GSE1: variants seen among roughly 807,000 people sequenced by gnomAD.
GSE1 encodes Gse1 coiled-coil protein.
Under a neutral mutation model 112.6 loss-of-function variants are expected in GSE1, and 32 were observed. That is an observed-to-expected ratio of 0.28 (90% CI 0.21 to 0.38). The LOEUF (loss-of-function observed/expected upper bound fraction) is 0.38. Among genes scored for constraint, GSE1 ranks in the 10% least tolerant of loss-of-function variants. The pLI is 1.00. For synonymous variants in GSE1, 1,115 were observed against 735.6 expected, an observed-to-expected ratio of 1.52 and a Z score of -8.35; for missense variants, 2,348 against 1,699.2, an observed-to-expected ratio of 1.38 and a Z score of -6.71.
intron 2 of GSE1, 76 bp downstream of exon 2, chr16:85,634,208 G>A (rs760507308): frequency 5.3e-5 from 54 of 1,023,736 alleles, no homozygotes; most frequent in Admixed American, 7.6e-5. Context: ...CGCCTGCGGC[G>A]TGCACGCTCA....
At chr16:85,327,318 T>C (rs1374576658) in intron 1 of GSE1, among the ~76,000 whole-genome samples, 1 of 152,160 alleles carries the variant, frequency 6.6e-6, no homozygotes, top group Non-Finnish European at 1.5e-5. Flanking sequence ...TGGAAGGTTC[T>C]AAGGCCGGAT....
intron 2 of GSE1, among the ~76,000 whole-genome samples, chr16:85,423,110 C>T (rs555921428): frequency 1.3e-5 from 2 of 152,340 alleles, no homozygotes; most frequent in South Asian, 4.1e-4. Flanking sequence ...AGTCAGCTCC[C>T]CAGGAACCAG....
Position 85,661,466 on chromosome 16 carries a change from C to G in GSE1, c.1961C>G (p.Pro654Arg). ...APLDKYQPPP[P>R]PPREGGSLEH... Reference sequence around the variant, plus strand: ...CTGGACAAGTACCAGCCACCTCCGCCGCCACCACGAGAGGGAGGGAGCCTG... The same window carrying G: ...CTGGACAAGTACCAGCCACCTCCGCGGCCACCACGAGAGGGAGGGAGCCTG... The change falls in exon 9 of 16, where the codon CCG (proline) becomes CGG (arginine). Residue 654 changes from proline to arginine, a missense_variant. By Grantham distance (103) the Pro-to-Arg change is moderately radical. Transcript: ENST00000253458. 1 of 1,611,638 alleles carries G rather than the reference C, an allele frequency of 6.2e-7. No homozygotes were observed. Among genetic ancestry groups the G allele is most frequent in the African/African-American group, 1.3e-5 (1 of 75,048 alleles).
chr16:85,410,187 T>C (rs866945511), intron 2 of GSE1, among the ~76,000 whole-genome samples: 191 of 32,670 alleles, frequency 5.8e-3, no homozygotes, highest in Middle Eastern at 0.023. Flanking sequence ...TAATCCTCAC[T>C]GTTACACTCA....
At chr16:85,196,175 G>T (rs140667323) in intron 1 of GSE1, among the ~76,000 whole-genome samples, 157 of 152,336 alleles carry the variant, frequency 1.0e-3, no homozygotes, top group African/African-American at 3.6e-3. Context: ...TTTGGACTTG[G>T]GGGTTGTGGG....
At chr16:85,271,154 T>G (rs1015039068) in intron 1 of GSE1, among the ~76,000 whole-genome samples, 1 of 151,920 alleles carries the variant, frequency 6.6e-6, no homozygotes, top group Admixed American at 6.6e-5. Context: ...TCTGTGGGAA[T>G]TGGTGTATAA....
chr16:85,442,135 A>G (rs898912417), intron 2 of GSE1, among the ~76,000 whole-genome samples: 12 of 152,168 alleles, frequency 7.9e-5, no homozygotes, highest in Admixed American at 2.0e-4. Flanking sequence ...CCTTCTGCCA[A>G]ATATTCCCAG....
rs200489610 is a variant in GSE1 at position 85,252,049 on chromosome 16, G to C, written c.2283+80242G>C. ...GATCGGCACACGCTAATAGATGGCA[G>C]AGAGAGCAGTTGAACCCCAGAGTCT... On this transcript the variant is annotated intron_variant, in intron 1 of 2. Transcript: ENST00000637419. 1.4e-4 allele frequency among the ~76,000 whole-genome samples: 22 copies of C among 152,348 alleles called. No homozygotes were observed. The East Asian group carries it at 4.0e-3, about 28-fold the overall frequency.
intron 2 of GSE1, among the ~76,000 whole-genome samples, chr16:85,456,579 CGTGTGTGTGTGT>C (rs35279881): frequency 0.063 from 5,739 of 91,500 alleles, 195 homozygotes; most frequent in East Asian, 0.1. Flanking sequence ...ATTTTCCTGC[CGTGTGTGTGTGT>C]GTGTGTGTGT....
chr16:85,369,935 A>C (rs1379277608), intron 2 of GSE1, among the ~76,000 whole-genome samples: 1 of 152,172 alleles, frequency 6.6e-6, no homozygotes, highest in Non-Finnish European at 1.5e-5. Flanking sequence ...CCAAGGGTGC[A>C]TTCTGCGTCA....
At chr16:85,537,333 G>GAGGGCGGGACAGTGGAGAC (rs1280978469) in intron 2 of GSE1, among the ~76,000 whole-genome samples, 1 of 152,226 alleles carries the variant, frequency 6.6e-6, no homozygotes, top group Non-Finnish European at 1.5e-5. Context: ...GGAGTGGAGA[G>GAGGGCGGGACAGTGGAGAC]AGGGCGGGAC....
intron 1 of GSE1, among the ~76,000 whole-genome samples, chr16:85,349,424 T>C (rs1339623604): frequency 1.3e-5 from 2 of 152,070 alleles, no homozygotes; most frequent in Non-Finnish European, 2.9e-5. Flanking sequence ...CCACAGCGGG[T>C]CAGGACAGCG....
chr16:85,664,272 G>C (rs913715100), intron 11 of GSE1, among the ~76,000 whole-genome samples: 3 of 152,264 alleles, frequency 2.0e-5, no homozygotes, highest in Non-Finnish European at 4.4e-5. Context: ...ACGCTTTCAA[G>C]TCCTCGTGGG....
In GSE1 at chr16:85,556,391, C is replaced by T. The variant is rs988019018; in HGVS notation, c.37+28C>T. On this transcript the variant is annotated intron_variant, in intron 1 of 2. Coordinates refer to the GSE1 transcript ENST00000635906. ...AAGCGAGCCGTGCGCCTCCCTGGGT[C>T]CCGCGCGGCGCCGGCGCGCCCGGGA... 1.6e-5 allele frequency: 16 copies of T among 979,106 alleles called. No homozygotes were observed. The South Asian group carries it at 5.7e-4, about 35-fold the overall frequency. 60.7% of individuals were successfully genotyped at this position (979,106 alleles called of 1,614,324 possible).
In GSE1 at chr16:85,666,034, C is replaced by T. The variant is rs759415800; in HGVS notation, c.2817C>T (p.Ser939=). 33 of 1,613,592 alleles carry T rather than the reference C, an allele frequency of 2.0e-5. No homozygotes were observed. The highest frequency in any genetic ancestry group is 4.0e-5 in the African/African-American group (3 of 74,932). ...DVEKPVGVAA[S]LSDIPKAAEP... is the part of the protein sequence containing the mutation. ...AGAAGCCGGTTGGTGTTGCTGCTTC[C>T]TTGTCTGACATCCCAAAGGCCGCGG... The change falls in exon 13 of 16, where the codon TCC becomes TCT. Residue 939 remains serine, a synonymous_variant. Coordinates refer to ENST00000253458, the MANE Select transcript of GSE1 (RefSeq NM_014615.5).
intron 1 of GSE1, among the ~76,000 whole-genome samples, chr16:85,280,807 C>T (rs997549780): frequency 4.6e-5 from 7 of 152,178 alleles, no homozygotes; most frequent in Admixed American, 2.0e-4. Flanking sequence ...ATTTTTCAAA[C>T]CCTCTGAGGA....
intron 2 of GSE1, among the ~76,000 whole-genome samples, chr16:85,521,550 C>G (rs943229759): frequency 6.6e-6 from 1 of 152,252 alleles, no homozygotes; most frequent in African/African-American, 2.4e-5. Context: ...ACGTTTGGGT[C>G]CTCTGTGGAC....
At chr16:85,537,683 G>C (rs115569007) in intron 2 of GSE1, among the ~76,000 whole-genome samples, 1 of 152,246 alleles carries the variant, frequency 6.6e-6, no homozygotes, top group African/African-American at 2.4e-5. Context: ...GACTTGTCCA[G>C]TCACTGTGTG....
At chr16:85,460,429 G>A (rs12444362) in intron 2 of GSE1, among the ~76,000 whole-genome samples, 5,073 of 152,318 alleles carry the variant, frequency 0.033, 115 homozygotes, top group East Asian at 0.12. Flanking sequence ...AGAGAGGGAC[G>A]CTGGACGATT....
Sources: allele counts gnomAD v4.1 joint callset (sites outside exome capture counted in the v4.1 genomes callset), GRCh38; gene constraint gnomAD v4.1.1; transcripts MANE v1.5; gene names NCBI Gene and HGNC (gene_info 2026-07-23, HGNC 2026-07-21).